CCBE1: variants seen among roughly 807,000 people sequenced by gnomAD.
CCBE1 encodes collagen and calcium-binding EGF domain-containing protein 1.
A neutral mutation model predicts 50.0 loss-of-function variants in CCBE1; 37 were observed. The observed-to-expected ratio is 0.74, with a 90% CI of 0.57 to 0.97. CCBE1 has a LOEUF of 0.97. Among genes scored for constraint, CCBE1 ranks in the 50% least tolerant of loss-of-function variants. The pLI is 0.00. For missense variants in CCBE1, 538 were observed against 523.8 expected, an observed-to-expected ratio of 1.03 and a Z score of -0.26; for synonymous variants, 234 against 203.7, an observed-to-expected ratio of 1.15 and a Z score of -1.27.
chr18:59,665,484 A>C (rs1403765335), intron 2 of CCBE1, among the ~76,000 whole-genome samples: 5 of 152,200 alleles, frequency 3.3e-5, no homozygotes, highest in Non-Finnish European at 7.3e-5. Flanking sequence ...TTAACGGGAA[A>C]ATTCTTCAGA....
chr18:59,689,714 T>A (rs2054704067), intron 2 of CCBE1, among the ~76,000 whole-genome samples: 1 of 152,252 alleles, frequency 6.6e-6, no homozygotes, highest in Admixed American at 6.5e-5. Context: ...TGAACTGGGC[T>A]TGGGGTATTT....
chr18:59,461,250 C>T (rs1415253888), intron 5 of CCBE1, among the ~76,000 whole-genome samples: 1 of 151,910 alleles, frequency 6.6e-6, no homozygotes, highest in East Asian at 1.9e-4. Context: ...TGATCCCCTT[C>T]CCCGCCACCA....
At chr18:59,650,754 G>A (rs1035272207) in intron 2 of CCBE1, among the ~76,000 whole-genome samples, 1 of 151,228 alleles carries the variant, frequency 6.6e-6, no homozygotes, top group African/African-American at 2.4e-5. Context: ...TCACTGCCTT[G>A]CATGTTGTAC....
chr18:59,590,472 A>T (rs2053247299), intron 2 of CCBE1, among the ~76,000 whole-genome samples: 1 of 152,184 alleles, frequency 6.6e-6, no homozygotes, highest in African/African-American at 2.4e-5. Context: ...AAAATTACAA[A>T]CTCCAAAAAT....
chr18:59,580,768 CAAAAT>C (rs1406880094), intron 2 of CCBE1, among the ~76,000 whole-genome samples: 2 of 152,042 alleles, frequency 1.3e-5, no homozygotes, highest in African/African-American at 4.8e-5. Flanking sequence ...TTTTTAAAAA[CAAAAT>C]AAAAGGGGAA....
chr18:59,525,840 A>C (rs569909322), intron 2 of CCBE1, among the ~76,000 whole-genome samples: 4 of 152,278 alleles, frequency 2.6e-5, no homozygotes, highest in Admixed American at 2.6e-4. Context: ...ACCATTAATT[A>C]AATAGGGAAT....
intron 2 of CCBE1, among the ~76,000 whole-genome samples, chr18:59,480,900 C>T (rs912385394): frequency 6.6e-6 from 1 of 152,088 alleles, no homozygotes; most frequent in Non-Finnish European, 1.5e-5. Flanking sequence ...AAGTTAACTA[C>T]CTACTAGAAG....
chr18:59,501,377 C>A (rs986526213), intron 2 of CCBE1, among the ~76,000 whole-genome samples: 2 of 152,180 alleles, frequency 1.3e-5, no homozygotes, highest in Admixed American at 1.3e-4. Flanking sequence ...AAAGCCAGTT[C>A]CTCCTTCCTA....
At chr18:59,546,876 G>C (rs1259831802) in intron 2 of CCBE1, among the ~76,000 whole-genome samples, 1 of 152,014 alleles carries the variant, frequency 6.6e-6, no homozygotes, top group Non-Finnish European at 1.5e-5. Flanking sequence ...CCAATCTGTG[G>C]AGCTTGGCCA....
intron 2 of CCBE1, among the ~76,000 whole-genome samples, chr18:59,524,434 A>C (rs574374327): frequency 2.0e-5 from 3 of 152,336 alleles, no homozygotes; most frequent in South Asian, 2.1e-4. Context: ...TGTAATAAAC[A>C]TCTGCAAGAT....
At chr18:59,458,896 G>T (rs951917108) in intron 5 of CCBE1, among the ~76,000 whole-genome samples, 5 of 152,240 alleles carry the variant, frequency 3.3e-5, no homozygotes, top group African/African-American at 1.2e-4. Context: ...CTCTGACGCA[G>T]AAGTACACAG....
At chr18:59,591,763 T>C (rs954753992) in intron 2 of CCBE1, among the ~76,000 whole-genome samples, 15 of 152,218 alleles carry the variant, frequency 9.9e-5, no homozygotes, top group Non-Finnish European at 1.3e-4. Context: ...AAACAGAAAC[T>C]ACAAGTCCAT....
intron 2 of CCBE1, among the ~76,000 whole-genome samples, chr18:59,550,139 C>T (rs1235628408): frequency 2.6e-5 from 4 of 152,046 alleles, no homozygotes; most frequent in Admixed American, 2.6e-4. Context: ...ATCATTCAAA[C>T]CCTATAGATA....
intron 2 of CCBE1, among the ~76,000 whole-genome samples, chr18:59,695,931 C>T (rs1314017225): frequency 6.6e-6 from 1 of 151,982 alleles, no homozygotes; most frequent in African/African-American, 2.4e-5. Context: ...TAAATCAACC[C>T]TCATCTCCAA....
intron 2 of CCBE1, among the ~76,000 whole-genome samples, chr18:59,606,575 C>G (rs1006527198): frequency 6.6e-6 from 1 of 152,146 alleles, no homozygotes; most frequent in East Asian, 1.9e-4. Flanking sequence ...GGATCATTTA[C>G]AAACCAAGCA....
At chr18:59,597,834 G>T (rs1247505031) in intron 2 of CCBE1, among the ~76,000 whole-genome samples, 1 of 152,130 alleles carries the variant, frequency 6.6e-6, no homozygotes, top group Non-Finnish European at 1.5e-5. Flanking sequence ...CGAAACCATT[G>T]AACACAGTTA....
intron 2 of CCBE1, among the ~76,000 whole-genome samples, chr18:59,544,500 C>T (rs954173862): frequency 5.9e-5 from 9 of 152,210 alleles, no homozygotes; most frequent in Admixed American, 2.0e-4. Context: ...ACTTTTGCAG[C>T]TCACATGCAC....
Position 59,451,101 on chromosome 18 carries a change from A to C in CCBE1, c.655-2998T>G, listed in dbSNP as rs78910791. Among the ~76,000 whole-genome samples, 2,301 of 152,256 alleles carry C rather than the reference A, an allele frequency of 0.015. 122 individuals are homozygous for C. The East Asian group carries it at 0.21, about 14-fold the overall frequency. ...GGCATGGTTTCCCCATAAGACAGTA[A>C]GTTTATTTCAGGCAGAATCCTCTCC... On this transcript the variant is annotated intron_variant, in intron 6 of 10. Transcript: ENST00000439986.
At chr18:59,463,656 C>T (rs1911598348) in intron 5 of CCBE1, among the ~76,000 whole-genome samples, 1 of 152,224 alleles carries the variant, frequency 6.6e-6, no homozygotes, top group East Asian at 1.9e-4. Flanking sequence ...CCCTCACAGG[C>T]AGGAACTCCT....
Sources: allele counts gnomAD v4.1 joint callset (sites outside exome capture counted in the v4.1 genomes callset), GRCh38; gene constraint gnomAD v4.1.1; transcripts MANE v1.5; gene names NCBI Gene and HGNC (gene_info 2026-07-23, HGNC 2026-07-21).